CNTN5: variants seen among roughly 807,000 people sequenced by gnomAD.
The protein encoded by CNTN5 is contactin 5.
Under a neutral mutation model 129.1 loss-of-function variants are expected in CNTN5, and 77 were observed. That is an observed-to-expected ratio of 0.60 (90% CI 0.50 to 0.72). The LOEUF (loss-of-function observed/expected upper bound fraction) is 0.72. Among genes scored for constraint, CNTN5 ranks in the 30% least tolerant of loss-of-function variants. The pLI, the probability that CNTN5 is intolerant of heterozygous loss-of-function variation, is 0.00. For synonymous variants in CNTN5, 509 were observed against 465.6 expected, an observed-to-expected ratio of 1.09 and a Z score of -1.20; for missense variants, 1,478 against 1,328.8, an observed-to-expected ratio of 1.11 and a Z score of -1.75.
intron 3 of CNTN5, among the ~76,000 whole-genome samples, chr11:99,803,380 C>T (rs1946172728): frequency 6.6e-6 from 1 of 152,206 alleles, no homozygotes; most frequent in Admixed American, 6.5e-5. Context: ...AGCATAATTC[C>T]AGTGCCTTTT....
chr11:99,581,651 C>T (rs922802731), intron 3 of CNTN5, among the ~76,000 whole-genome samples: 14 of 152,262 alleles, frequency 9.2e-5, no homozygotes, highest in African/African-American at 3.1e-4. Context: ...ACTAGGATTG[C>T]AACCCCTGCC....
chr11:99,823,369 T>C (rs1310358304), intron 4 of CNTN5, among the ~76,000 whole-genome samples: 1 of 152,218 alleles, frequency 6.6e-6, no homozygotes, highest in Non-Finnish European at 1.5e-5. Flanking sequence ...GGTATTCTTT[T>C]CTAGGAAGCC....
chr11:99,286,265 C>G (rs978188054), intron 1 of CNTN5, among the ~76,000 whole-genome samples: 3 of 152,142 alleles, frequency 2.0e-5, no homozygotes, highest in African/African-American at 7.2e-5. Flanking sequence ...CTTTGTCCTG[C>G]ACTCAACCTA....
intron 3 of CNTN5, among the ~76,000 whole-genome samples, chr11:99,768,399 GAAGT>G (rs1382972291): frequency 1.3e-5 from 2 of 151,976 alleles, no homozygotes; most frequent in African/African-American, 4.8e-5. Context: ...TATAATACGC[GAAGT>G]ATTTAACAAT....
At chr11:99,430,819 A>C (rs1326101809) in intron 2 of CNTN5, among the ~76,000 whole-genome samples, 1 of 151,948 alleles carries the variant, frequency 6.6e-6, no homozygotes, top group Admixed American at 6.6e-5. Flanking sequence ...ATCAAACCAA[A>C]CCCAGGCTGC....
intron 20 of CNTN5, 38 bp from the exon 21 acceptor site, chr11:100,308,321 A>C (rs780834316): frequency 6.3e-7 from 1 of 1,587,744 alleles, no homozygotes. Flanking sequence ...TGATGGACAT[A>C]AACTTTTTAT....
In CNTN5 at chr11:99,745,792, G is replaced by T. The variant is rs1944036775; in HGVS notation, c.56-73752G>T. Among the ~76,000 whole-genome samples the T allele has an allele frequency of 2.6e-5, 4 of 151,112 alleles. No individual in the cohort carries two copies. The South Asian group carries it at 6.3e-4, about 24-fold the overall frequency. ...TTTTATTGCTTTGTTAGGCACATGT[G>T]ACACAAACATTTAAAAAGATGGGCA... On this transcript the variant is annotated intron_variant, in intron 3 of 24. Coordinates refer to ENST00000524871, the MANE Select transcript of CNTN5 (RefSeq NM_014361.4).
chr11:99,048,638 CTT>C (rs1864308236), intron 1 of CNTN5, among the ~76,000 whole-genome samples: 1 of 152,074 alleles, frequency 6.6e-6, no homozygotes, highest in South Asian at 2.1e-4. Flanking sequence ...TCATGTGAAA[CTT>C]TTAGTTTTTC....
Position 99,451,124 on chromosome 11 carries a change from A to G in CNTN5, c.-70-105021A>G, listed in dbSNP as rs57171240. ...CTAGGGAAAGGAGTAAACAGATTGT[A>G]CTCAGTGAGACCTGAGATTATAGCT... On this transcript the variant is annotated intron_variant, in intron 2 of 24. Transcript: ENST00000524871. Among the ~76,000 whole-genome samples, 262 of 152,230 alleles carry G rather than the reference A, an allele frequency of 1.7e-3. 1 individual carries two copies. Among genetic ancestry groups the G allele is most frequent in the African/African-American group, 5.9e-3 (246 of 41,554 alleles).
intron 13 of CNTN5, among the ~76,000 whole-genome samples, chr11:100,173,596 C>A (rs1808354): frequency 0.59 from 89,487 of 151,962 alleles, 26,719 homozygotes; most frequent in East Asian, 0.77. Flanking sequence ...CCAGCATGAA[C>A]TTTCTAGGCT....
At chr11:99,290,002 T>G (rs1405060664) in intron 1 of CNTN5, among the ~76,000 whole-genome samples, 1 of 151,694 alleles carries the variant, frequency 6.6e-6, no homozygotes, top group East Asian at 1.9e-4. Flanking sequence ...ATAATATTCC[T>G]TTTTTTAAAT....
At chr11:99,647,658 A>G (rs1295157058) in intron 3 of CNTN5, among the ~76,000 whole-genome samples, 1 of 151,816 alleles carries the variant, frequency 6.6e-6, no homozygotes, top group Non-Finnish European at 1.5e-5. Flanking sequence ...TAATTCTTCC[A>G]GTTCATGAAT....
intron 8 of CNTN5, among the ~76,000 whole-genome samples, chr11:99,961,962 A>C (rs946591195): frequency 6.7e-5 from 10 of 149,886 alleles, no homozygotes; most frequent in South Asian, 2.1e-4. Flanking sequence ...ATATATACGT[A>C]GAGAGACATA....
rs1276295294 is a variant in CNTN5, at chr11:100,155,894, G to C, written c.1581-35232G>C. On this transcript the variant is annotated intron_variant, in intron 13 of 24. Transcript: ENST00000524871. ...TGCTGAAGTTGCTTATCATCATAAG[G>C]AGATTTGGGGCTGAGAAGATGGGGT... 3.9e-5 allele frequency among the ~76,000 whole-genome samples: 6 copies of C among 152,162 alleles called. No homozygotes were observed. The South Asian group carries it at 1.0e-3, about 26-fold the overall frequency.
At chr11:99,847,667 C>T (rs1947743623) in intron 6 of CNTN5, among the ~76,000 whole-genome samples, 1 of 152,064 alleles carries the variant, frequency 6.6e-6, no homozygotes, top group Non-Finnish European at 1.5e-5. Flanking sequence ...AATGAAGTCC[C>T]ATAGATGTAG....
chr11:99,122,023 A>G (rs959403154), intron 1 of CNTN5, among the ~76,000 whole-genome samples: 7 of 151,926 alleles, frequency 4.6e-5, no homozygotes, highest in Non-Finnish European at 8.8e-5. Context: ...TAGGGTATGT[A>G]TGTACAACAT....
At chr11:100,191,830 C>T (rs1948503183) in intron 14 of CNTN5, among the ~76,000 whole-genome samples, 1 of 151,786 alleles carries the variant, frequency 6.6e-6, no homozygotes, top group African/African-American at 2.4e-5. Context: ...AAAATGAGCT[C>T]GATTTCAAGC....
At chr11:99,203,213 G>A (rs1026146354) in intron 1 of CNTN5, among the ~76,000 whole-genome samples, 2 of 152,128 alleles carry the variant, frequency 1.3e-5, no homozygotes, top group African/African-American at 4.8e-5. Context: ...GGCTCACAGA[G>A]ACCCATTGGA....
intron 13 of CNTN5, among the ~76,000 whole-genome samples, chr11:100,117,225 T>G (rs1469217197): frequency 6.6e-6 from 1 of 151,974 alleles, no homozygotes; most frequent in Non-Finnish European, 1.5e-5. Flanking sequence ...CAAAAGCATT[T>G]TTTGAATAAC....
Sources: allele counts gnomAD v4.1 joint callset (sites outside exome capture counted in the v4.1 genomes callset), GRCh38; gene constraint gnomAD v4.1.1; transcripts MANE v1.5; gene names NCBI Gene and HGNC (gene_info 2026-07-23, HGNC 2026-07-21).